The following SLC25A21 variants were observed in gnomAD, a reference collection of about 807,000 sequenced individuals.
SLC25A21 encodes the protein mitochondrial 2-oxodicarboxylate carrier.
In SLC25A21, 47 loss-of-function variants were observed where a neutral mutation model predicts 43.8. That is an observed-to-expected ratio of 1.07 (90% CI 0.85 to 1.37). The LOEUF is 1.37. Among genes scored for constraint, SLC25A21 ranks in the 40% most tolerant of loss-of-function variants. SLC25A21 has a pLI of 0.00. For synonymous variants in SLC25A21, 131 were observed against 121.3 expected (o/e 1.08, Z -0.52); for missense variants, 352 against 350.2 (o/e 1.00, Z -0.04).
chr14:37,057,478 T>C (rs552351768), intron 1 of SLC25A21, among the ~76,000 whole-genome samples: 74 of 152,300 alleles, frequency 4.9e-4, no homozygotes, highest in African/African-American at 1.7e-3. Flanking sequence ...TCCCTTTTCA[T>C]ACCCTCAACC....
intron 2 of SLC25A21, among the ~76,000 whole-genome samples, chr14:36,851,428 G>A (rs904973985): frequency 1.3e-5 from 2 of 152,138 alleles, no homozygotes; most frequent in Admixed American, 6.5e-5. Context: ...AAGAATTTAG[G>A]AACCCAGAAA....
intron 3 of SLC25A21, among the ~76,000 whole-genome samples, chr14:36,739,824 T>C (rs1885183461): frequency 6.6e-6 from 1 of 151,938 alleles, no homozygotes; most frequent in Admixed American, 6.6e-5. Context: ...CTTAGAGAGG[T>C]GAGTCCTCCT....
intron 3 of SLC25A21, among the ~76,000 whole-genome samples, chr14:36,760,462 AAGG>A (rs1886110005): frequency 6.6e-6 from 1 of 152,156 alleles, no homozygotes; most frequent in Non-Finnish European, 1.5e-5. Context: ...TTAGGTAGGC[AAGG>A]AGAAGCTTGG....
intron 1 of SLC25A21, among the ~76,000 whole-genome samples, chr14:36,904,033 C>T (rs1891467732): frequency 6.6e-6 from 1 of 152,286 alleles, no homozygotes; most frequent in Admixed American, 6.5e-5. Context: ...ATATTTTCCA[C>T]GAATACTGCT....
At chr14:37,108,097 C>T (rs1962948164) in intron 1 of SLC25A21, among the ~76,000 whole-genome samples, 1 of 152,150 alleles carries the variant, frequency 6.6e-6, no homozygotes, top group African/African-American at 2.4e-5. Context: ...AATAGAAATG[C>T]TAATGTTTGT....
At chr14:36,699,251 C>A (rs1379101364) in intron 7 of SLC25A21, among the ~76,000 whole-genome samples, 2 of 152,074 alleles carry the variant, frequency 1.3e-5, no homozygotes, top group Non-Finnish European at 2.9e-5. Flanking sequence ...TGGGTATCAC[C>A]AGCGGAGGCT....
intron 1 of SLC25A21, among the ~76,000 whole-genome samples, chr14:37,127,826 T>C (rs189527540): frequency 2.0e-5 from 3 of 152,224 alleles, no homozygotes; most frequent in Admixed American, 6.5e-5. Context: ...TTTTAGATGG[T>C]GGTGGAATTA....
intron 4 of SLC25A21, among the ~76,000 whole-genome samples, chr14:36,732,356 G>T (rs1392213936): frequency 1.3e-5 from 2 of 151,972 alleles, no homozygotes; most frequent in Non-Finnish European, 2.9e-5. Flanking sequence ...GGGAAAACTG[G>T]TATTTCTGTA....
intron 1 of SLC25A21, among the ~76,000 whole-genome samples, chr14:36,927,037 G>GT (rs1387455932): frequency 6.6e-6 from 1 of 152,208 alleles, no homozygotes; most frequent in South Asian, 2.1e-4. Context: ...AGGCGTGGTC[G>GT]TGTGTGCCTG....
intron 1 of SLC25A21, among the ~76,000 whole-genome samples, chr14:37,008,025 C>T (rs1411442374): frequency 6.6e-6 from 1 of 151,934 alleles, no homozygotes; most frequent in East Asian, 1.9e-4. Context: ...CAGGCAACCA[C>T]TACTACGGCT....
intron 1 of SLC25A21, among the ~76,000 whole-genome samples, chr14:37,092,082 G>A (rs375341045): frequency 2.0e-5 from 3 of 152,082 alleles, no homozygotes; most frequent in Non-Finnish European, 4.4e-5. Context: ...AGCCAAGATC[G>A]TGCCATTGTA....
chr14:37,021,067 T>C (rs1369592528), intron 1 of SLC25A21, among the ~76,000 whole-genome samples: 2 of 151,998 alleles, frequency 1.3e-5, no homozygotes, highest in African/African-American at 4.8e-5. Flanking sequence ...GACATTTTCA[T>C]TTAGAACTCT....
At chr14:36,947,027 C>T (rs903501226) in intron 1 of SLC25A21, among the ~76,000 whole-genome samples, 2 of 152,196 alleles carry the variant, frequency 1.3e-5, no homozygotes, top group East Asian at 3.8e-4. Flanking sequence ...CCTAGACCCA[C>T]CTCATGTGTT....
chr14:36,736,045 C>T (rs1324590383), intron 3 of SLC25A21, among the ~76,000 whole-genome samples: 1 of 148,656 alleles, frequency 6.7e-6, no homozygotes, highest in African/African-American at 2.5e-5. Flanking sequence ...ACGCCATTCT[C>T]CTGCCTCAGC....
intron 7 of SLC25A21, among the ~76,000 whole-genome samples, chr14:36,694,860 C>T (rs1257240684): frequency 6.6e-6 from 1 of 152,062 alleles, no homozygotes; most frequent in Non-Finnish European, 1.5e-5. Context: ...CTGTAGGTTG[C>T]CTGTTCTCTC....
chr14:36,747,170 G>T (rs925653061), intron 3 of SLC25A21, among the ~76,000 whole-genome samples: 3 of 152,112 alleles, frequency 2.0e-5, no homozygotes, highest in Admixed American at 6.5e-5. Flanking sequence ...ATTTAATCCA[G>T]GTTATAAACT....
At chr14:36,768,744 GAA>G (rs1392244651) in intron 3 of SLC25A21, among the ~76,000 whole-genome samples, 1 of 152,104 alleles carries the variant, frequency 6.6e-6, no homozygotes, top group African/African-American at 2.4e-5. Context: ...GTTTAGAAGA[GAA>G]AATGAGTTAA....
intron 1 of SLC25A21, among the ~76,000 whole-genome samples, chr14:36,888,622 G>T (rs1476093710): frequency 6.6e-6 from 1 of 152,020 alleles, no homozygotes; most frequent in Non-Finnish European, 1.5e-5. Context: ...TCCTCCCTCT[G>T]TGCCCTTCCT....
intron 1 of SLC25A21, among the ~76,000 whole-genome samples, chr14:37,153,396 A>G (rs747280511): frequency 1.3e-5 from 2 of 152,238 alleles, no homozygotes; most frequent in Non-Finnish European, 2.9e-5. Flanking sequence ...AGCAAGCAAG[A>G]CATGAGCTGC....
Sources: allele counts gnomAD v4.1 joint callset (sites outside exome capture counted in the v4.1 genomes callset), GRCh38; gene constraint gnomAD v4.1.1; transcripts MANE v1.5; gene names NCBI Gene and HGNC (gene_info 2026-07-23, HGNC 2026-07-21).